Variants in SRMS observed in about 807,000 individuals in gnomAD.
The protein encoded by SRMS is tyrosine-protein kinase Srms.
A neutral mutation model predicts 43.5 loss-of-function variants in SRMS; 42 were observed. The ratio of observed to expected loss-of-function variants is 0.97; its 90% CI spans 0.75 to 1.25. The LOEUF is 1.25. Among genes scored for constraint, SRMS ranks in the 50% most tolerant of loss-of-function variants. The pLI, the probability that SRMS is intolerant of heterozygous loss-of-function variation, is 0.00. For missense variants in SRMS, 703 were observed against 681.0 expected, an observed-to-expected ratio of 1.03 and a Z score of -0.36; for synonymous variants, 316 against 308.2, an observed-to-expected ratio of 1.03 and a Z score of -0.27.
At chr20:63,542,367 T>C in intron 4 of SRMS, 46 bp from the exon 5 acceptor site, 2 of 1,598,004 alleles carry the variant, frequency 1.3e-6, no homozygotes, top group Middle Eastern at 3.3e-4. Flanking sequence ...GCCACGAACA[T>C]CACTGCCCTG....
intron 2 of SRMS, 175 bp from the exon 3 acceptor site, chr20:63,543,655 G>A (rs1038993518): frequency 3.2e-5 from 24 of 752,822 alleles, no homozygotes; most frequent in Admixed American, 2.1e-4. Context: ...AGGCTGGGGC[G>A]GGGCAGCGAG....
intron 1 of SRMS, 127 bp downstream of exon 1, chr20:63,546,981 G>T: frequency 1.1e-6 from 1 of 890,198 alleles, no homozygotes; most frequent in Non-Finnish European, 1.6e-6. Flanking sequence ...CTGAATGAAT[G>T]CGTGGATGAA....
Position 63,539,567 on chromosome 20 carries a change from G to A in SRMS, c.*1251C>T, listed in dbSNP as rs1315645202. The stretch of plus-strand genomic sequence containing the variant: ...ACCTGGGCTCCCAGGAGGGTGGGGG[G>A]CAGGGTCTCCGGGGGCCACAAACAG... On this transcript the variant is annotated 3_prime_UTR_variant, in exon 8 of 8. Coordinates refer to ENST00000217188, the MANE Select transcript of SRMS (RefSeq NM_080823.4). Among the ~76,000 whole-genome samples, 4 of 152,164 alleles carry A rather than the reference G, an allele frequency of 2.6e-5. No homozygotes were observed. The highest frequency in any genetic ancestry group is 7.2e-5 in the African/African-American group (3 of 41,436).
intron 3 of SRMS, 33 bp from the exon 4 acceptor site, chr20:63,542,614 C>A: frequency 6.3e-7 from 1 of 1,583,058 alleles, no homozygotes; most frequent in Non-Finnish European, 8.6e-7. Context: ...GGCTGGTCAG[C>A]GTGGGCCCCT....
At chr20:63,546,483 C>T (rs310659) in intron 1 of SRMS, among the ~76,000 whole-genome samples, 14,081 of 128,418 alleles carry the variant, frequency 0.11, 1,988 homozygotes, top group African/African-American at 0.45. Context: ...CTCACCTGCC[C>T]TCACCCAGAG....
intron 3 of SRMS, among the ~76,000 whole-genome samples, 196 bp from the exon 4 acceptor site, chr20:63,542,777 G>A (rs1339092181): frequency 6.6e-6 from 1 of 152,200 alleles, no homozygotes; most frequent in Non-Finnish European, 1.5e-5. Flanking sequence ...TGCTCTGGGG[G>A]CCTAAGTGGC....
chr20:63,543,784 A>C, intron 2 of SRMS: 1 of 398,166 alleles, frequency 2.5e-6, no homozygotes, highest in South Asian at 6.2e-5. Context: ...GGAAGGAAAG[A>C]AGGAAAAGTG....
chr20:63,547,160 C>T lies in SRMS; in HGVS notation c.304G>A (p.Val102Met), dbSNP rs138464879. The change falls in exon 1 of 8, where the codon GTG becomes ATG. Residue 102 changes from valine (V) to methionine (M), a missense_variant. By Grantham distance (21) the Val-to-Met change is conservative. Transcript: ENST00000217188. ...GCCTTGGCCACGTGGGTGATGGGCA[C>T]GAGCCCGGCGCTGGGCTGGCCCGAA... ...RLSGQPSAGL[V>M]PITHVAKASP... 1,394 of 1,609,592 alleles carry T rather than the reference C, an allele frequency of 8.7e-4. 13 individuals carry two copies. The highest frequency in any genetic ancestry group is 4.2e-3 in the Middle Eastern group (25 of 5,986).
Position 63,542,486 on chromosome 20 carries a change from G to A in SRMS, c.741C>T (p.Gly247=). The change falls in exon 4 of 8, where the codon GGC becomes GGT. Residue 247 remains glycine, a synonymous_variant. Transcript: ENST00000217188. ...CCACGGGCAGGGAGCCCAGCCACAG[G>A]CCTTCCCACACCTCCCCAAAGTAGC... ...GEGYFGEVWE[G]LWLGSLPVAI... The A allele has an allele frequency of 6.2e-7, 1 of 1,612,658 alleles. No individual in the cohort carries two copies. The highest frequency in any genetic ancestry group is 8.5e-7 in the Non-Finnish European group (1 of 1,179,864).
rs1444840720 is a variant in SRMS, at chr20:63,547,486, C to T, written c.-23G>A. The T allele has an allele frequency of 2.1e-6, 3 of 1,457,136 alleles. No individual in the cohort carries two copies. The highest frequency in any genetic ancestry group is 2.7e-6 in the Non-Finnish European group (3 of 1,102,178). 90.3% of individuals were successfully genotyped at this position (1,457,136 alleles called of 1,614,324 possible). The stretch of plus-strand genomic sequence containing the variant: ...CATCCCCCGGGGTCACCACGCTGGG[C>T]CCGAGGGCCATGGGAGCCCGCGAGC... On this transcript the variant is annotated 5_prime_UTR_variant, in exon 1 of 8. Transcript: ENST00000217188.
chr20:63,544,969 T>C (rs1287889800), intron 1 of SRMS, among the ~76,000 whole-genome samples: 3 of 152,204 alleles, frequency 2.0e-5, no homozygotes, highest in Admixed American at 2.0e-4. Flanking sequence ...TGGAGAGTTG[T>C]GCCCAGTACA....
chr20:63,545,138 GGA>G (rs2082724577), intron 1 of SRMS, among the ~76,000 whole-genome samples: 1 of 152,152 alleles, frequency 6.6e-6, no homozygotes, highest in Non-Finnish European at 1.5e-5. Context: ...CCGGGTGTCG[GGA>G]GAGGGGCCGG....
At chr20:63,545,348 C>T (rs1049590387) in intron 1 of SRMS, among the ~76,000 whole-genome samples, 2 of 152,224 alleles carry the variant, frequency 1.3e-5, no homozygotes, top group African/African-American at 4.8e-5. Context: ...CTGGAGCTTC[C>T]TGGGACCCGG....
chr20:63,544,797 G>A (rs1196010422), intron 1 of SRMS, among the ~76,000 whole-genome samples: 1 of 152,228 alleles, frequency 6.6e-6, no homozygotes, highest in Non-Finnish European at 1.5e-5. Flanking sequence ...GGCTGGGCAC[G>A]GCCCACCTGC....
In SRMS at chr20:63,540,368, T is replaced by C. The variant is rs1448769457; in HGVS notation, c.*450A>G. ...TTTGGCTCTTCACCCTGGGAGGGAGTCCAGGGGACCCAGGCAGGAGACACA... is the reference window on the plus strand; with the variant it reads ...TTTGGCTCTTCACCCTGGGAGGGAGCCCAGGGGACCCAGGCAGGAGACACA... On this transcript the variant is annotated 3_prime_UTR_variant, in exon 8 of 8. Coordinates refer to ENST00000217188, the MANE Select transcript of SRMS (RefSeq NM_080823.4). Among the ~76,000 whole-genome samples, 1 of 151,216 alleles carries C rather than the reference T, an allele frequency of 6.6e-6. No individual in the cohort carries two copies. The highest frequency in any genetic ancestry group is 1.5e-5 in the Non-Finnish European group (1 of 67,882).
chr20:63,543,421 A>G lies in SRMS; in HGVS notation c.538T>C (p.Tyr180His), dbSNP rs747234286. The change falls in exon 3 of 8, where the codon TAC becomes CAC. Residue 180 changes from tyrosine (Y) to histidine (H), a missense_variant. Tyr to His is a moderately conservative substitution (Grantham distance 83, BLOSUM62 2). Coordinates refer to ENST00000217188, the MANE Select transcript of SRMS (RefSeq NM_080823.4). ...GGAAAGAGCCGTCCCTTCTGCAGGT[A>G]GAGGCTGCCATCAGCTGCCATGGAG... is the stretch of plus-strand genomic sequence containing the variant. ...RVSMAADGSL[Y>H]LQKGRLFPGL... 2 of 1,612,842 alleles carry G rather than the reference A, an allele frequency of 1.2e-6. No individual in the cohort carries two copies. The highest frequency in any genetic ancestry group is 1.7e-6 in the Non-Finnish European group (2 of 1,179,962).
chr20:63,543,041 C>A (rs1051618728), intron 3 of SRMS, among the ~76,000 whole-genome samples: 2 of 152,212 alleles, frequency 1.3e-5, no homozygotes, highest in Non-Finnish European at 2.9e-5. Flanking sequence ...ACCCTCCTGG[C>A]TGCTCCCCTG....
In SRMS at chr20:63,541,284, C is replaced by T; in HGVS notation, c.1192G>A (p.Ala398Thr). The change falls in exon 7 of 8, where the codon GCC becomes ACC. Residue 398 changes from alanine (A) to threonine (T), a missense_variant. Ala to Thr is a moderately conservative substitution (Grantham distance 58, BLOSUM62 0). Coordinates refer to ENST00000217188, the MANE Select transcript of SRMS (RefSeq NM_080823.4). The part of the protein sequence containing the change: ...IPVKWTAPEA[A>T]NYRVFSQKSD... The stretch of plus-strand genomic sequence containing the variant: ...TTCTGGGAGAAGACACGATAATTGG[C>T]CGCCTCAGGCGCTGTCCACTTGACC... 1 of 1,565,206 alleles carries T rather than the reference C, an allele frequency of 6.4e-7. No individual in the cohort carries two copies. The highest frequency in any genetic ancestry group is 1.2e-5 in the South Asian group (1 of 84,172).
At chr20:63,544,992 G>A (rs2082723792) in intron 1 of SRMS, among the ~76,000 whole-genome samples, 2 of 152,236 alleles carry the variant, frequency 1.3e-5, no homozygotes, top group Non-Finnish European at 2.9e-5. Context: ...ACGGCCCTAA[G>A]CCCACTGGCG....
Sources: gnomAD v4.1 joint callset for allele counts (sites outside exome capture counted in the v4.1 genomes callset) on GRCh38, gnomAD v4.1.1 for gene constraint, MANE v1.5 for transcripts, NCBI Gene and HGNC (gene_info 2026-07-23, HGNC 2026-07-21) for gene names.